AMBRA1: variants seen among roughly 807,000 people sequenced by gnomAD.
The protein encoded by AMBRA1 is activating molecule in BECN1-regulated autophagy protein 1.
A neutral mutation model predicts 125.4 loss-of-function variants in AMBRA1; 47 were observed. That is an observed-to-expected ratio of 0.37 (90% CI 0.30 to 0.48). AMBRA1 has a LOEUF of 0.48. Among genes scored for constraint, AMBRA1 ranks in the 20% least tolerant of loss-of-function variants. The probability of loss-of-function intolerance (pLI) is 0.99; values close to 1 mark genes in which losing one functional copy is unlikely to be tolerated. For synonymous variants in AMBRA1, 626 were observed against 655.5 expected, an observed-to-expected ratio of 0.95 and a Z score of 0.69; for missense variants, 1,331 against 1,693.4, an observed-to-expected ratio of 0.79 and a Z score of 3.76.
Position 46,397,686 on chromosome 11 carries a change from G to A in AMBRA1, c.3661C>T (p.Leu1221=), listed in dbSNP as rs762460695. The change falls in exon 18 of 18, where the codon CTG becomes TTG. Residue 1221 remains leucine (L), a synonymous_variant. Coordinates refer to ENST00000683756, the MANE Select transcript of AMBRA1 (RefSeq NM_001387011.1). Reference sequence around the variant, plus strand: ...CGGGGGCTTAGGCCTCGCTCTGCCAGTTGCCCGGCCTCTGGGAGCAGTCCC... The same window carrying A: ...CGGGGGCTTAGGCCTCGCTCTGCCAATTGCCCGGCCTCTGGGAGCAGTCCC... ...SRGLLPEAGQ[L]AERGLSPRTA... is the part of the protein sequence containing the mutation. 15 of 1,613,076 alleles carry A rather than the reference G, an allele frequency of 9.3e-6. No individual in the cohort carries two copies. The highest frequency in any genetic ancestry group is 1.3e-5 in the Non-Finnish European group (15 of 1,179,502).
chr11:46,478,643 T>C lies in AMBRA1; in HGVS notation c.2521+14965A>G, dbSNP rs1007786363. On this transcript the variant is annotated intron_variant, in intron 11 of 17. Transcript: ENST00000683756. ...CAAGATATTTCTTGTTTTTTTCTTTTTTCTCTTTTTTTTTTTTTTTTTTTT... is the reference window on the plus strand; with the variant it reads ...CAAGATATTTCTTGTTTTTTTCTTTCTTCTCTTTTTTTTTTTTTTTTTTTT... Among the ~76,000 whole-genome samples the C allele has an allele frequency of 3.2e-4, 41 of 128,978 alleles. 1 individual carries two copies. Among genetic ancestry groups the C allele is most frequent in the Non-Finnish European group, 5.6e-4 (36 of 63,784 alleles). 84.6% of individuals were successfully genotyped at this position (128,978 alleles called of 152,430 possible). A position where few individuals can be genotyped will look rare whatever the true frequency, so the allele number is the denominator to read the frequency against.
intron 8 of AMBRA1, 58 bp from the exon 9 acceptor site, chr11:46,508,428 A>G (rs1234923083): frequency 7.1e-6 from 11 of 1,541,792 alleles, no homozygotes; most frequent in Non-Finnish European, 9.8e-6. Flanking sequence ...AATACTATGA[A>G]AGGCAGTTAA....
chr11:46,561,231 AT>A (rs1243087531), intron 1 of AMBRA1, among the ~76,000 whole-genome samples: 1 of 152,032 alleles, frequency 6.6e-6, no homozygotes, highest in Non-Finnish European at 1.5e-5. Context: ...AAATACAAAA[AT>A]TAGCTGGGCG....
chr11:46,497,231 G>T (rs1370588169), intron 9 of AMBRA1, among the ~76,000 whole-genome samples: 3 of 152,158 alleles, frequency 2.0e-5, no homozygotes, highest in African/African-American at 4.8e-5. Flanking sequence ...AAAAGAGAGG[G>T]TGCAAAATAT....
chr11:46,507,168 C>T (rs1951069226), intron 9 of AMBRA1, among the ~76,000 whole-genome samples: 1 of 118,726 alleles, frequency 8.4e-6, no homozygotes, highest in Non-Finnish European at 1.7e-5. Context: ...CACAGCAAGA[C>T]TCCGTCTCAA....
intron 9 of AMBRA1, among the ~76,000 whole-genome samples, chr11:46,496,096 G>A (rs573027962): frequency 3.3e-5 from 5 of 152,126 alleles, no homozygotes; most frequent in Admixed American, 1.3e-4. Context: ...AAAACAGGCC[G>A]GGCACAGTGG....
In AMBRA1 at chr11:46,434,339, A is replaced by G. The variant is rs115161104; in HGVS notation, c.2821+510T>C. Among the ~76,000 whole-genome samples, 627 of 152,126 alleles carry G rather than the reference A, an allele frequency of 4.1e-3. 2 individuals are homozygous for G. The highest frequency in any genetic ancestry group is 0.013 in the African/African-American group (525 of 41,466). ...AGTCAACTCTTAAAAAAAAAACAAA[A>G]AACACTTAAATTCAACTCAAGGTGA... is the stretch of plus-strand genomic sequence containing the variant. On this transcript the variant is annotated intron_variant, in intron 13 of 17. Coordinates refer to ENST00000683756, the MANE Select transcript of AMBRA1 (RefSeq NM_001387011.1).
chr11:46,557,300 CAAA>C (rs540969219), intron 1 of AMBRA1, among the ~76,000 whole-genome samples: 4 of 49,146 alleles, frequency 8.1e-5, no homozygotes, highest in Admixed American at 2.3e-4. Flanking sequence ...GACTCCATCT[CAAA>C]AAAAAAAAAA....
intron 1 of AMBRA1, among the ~76,000 whole-genome samples, chr11:46,587,214 T>G (rs1565329438): frequency 6.6e-6 from 1 of 152,006 alleles, no homozygotes; most frequent in Non-Finnish European, 1.5e-5. Flanking sequence ...ACCCCATCTC[T>G]ACTCAAAATA....
intron 11 of AMBRA1, among the ~76,000 whole-genome samples, chr11:46,474,982 T>TGACA (rs1234237602): frequency 6.6e-6 from 1 of 152,146 alleles, no homozygotes; most frequent in Non-Finnish European, 1.5e-5. Flanking sequence ...ATGAGGAGGA[T>TGACA]GACATTATGT....
At chr11:46,465,499 C>T (rs1949286291) in intron 11 of AMBRA1, among the ~76,000 whole-genome samples, 1 of 152,050 alleles carries the variant, frequency 6.6e-6, no homozygotes, top group Admixed American at 6.5e-5. Context: ...TCAGAGAGTT[C>T]ACTGTTCTCT....
chr11:46,430,391 G>GGTTGTGCC (rs1947397236), intron 14 of AMBRA1, among the ~76,000 whole-genome samples: 1 of 152,150 alleles, frequency 6.6e-6, no homozygotes, highest in Non-Finnish European at 1.5e-5. Context: ...CTAAAATGAA[G>GGTTGTGCC]AAATCTTGTT....
chr11:46,418,634 A>T (rs931873670), intron 14 of AMBRA1, among the ~76,000 whole-genome samples: 2 of 151,606 alleles, frequency 1.3e-5, no homozygotes, highest in African/African-American at 2.4e-5. Context: ...CCCACCTATG[A>T]GTGAGAACAT....
At chr11:46,405,899 T>G in intron 17 of AMBRA1, among the ~76,000 whole-genome samples, 1 of 151,102 alleles carries the variant, frequency 6.6e-6, no homozygotes, top group East Asian at 2.0e-4. Flanking sequence ...GCTCGGCTAA[T>G]TTTTTGTATA....
intron 7 of AMBRA1, among the ~76,000 whole-genome samples, chr11:46,524,521 G>T (rs1951887142): frequency 6.6e-6 from 1 of 152,222 alleles, no homozygotes; most frequent in African/African-American, 2.4e-5. Context: ...TTGAGCCTTA[G>T]AATCAGACAG....
intron 1 of AMBRA1, among the ~76,000 whole-genome samples, chr11:46,584,619 T>A (rs765543004): frequency 3.3e-5 from 5 of 151,986 alleles, no homozygotes; most frequent in Non-Finnish European, 7.4e-5. Flanking sequence ...TTTTTTAATT[T>A]TTCTGAGACA....
intron 1 of AMBRA1, among the ~76,000 whole-genome samples, chr11:46,587,048 T>G (rs1041581510): frequency 1.1e-4 from 17 of 152,064 alleles, no homozygotes; most frequent in African/African-American, 4.1e-4. Context: ...AGTGATGAAA[T>G]CATGAAATAT....
At chr11:46,496,895 T>C (rs1158674815) in intron 9 of AMBRA1, among the ~76,000 whole-genome samples, 1 of 151,112 alleles carries the variant, frequency 6.6e-6, no homozygotes, top group African/African-American at 2.4e-5. Flanking sequence ...GCAGATCACT[T>C]GAAGTTAGAA....
intron 4 of AMBRA1, chr11:46,546,033 CTTTTTTTT>C (rs35703280): frequency 3.6e-5 from 5 of 139,156 alleles, no homozygotes; most frequent in South Asian, 1.7e-4. Context: ...GTTCCTATTT[CTTTTTTTT>C]TTTTTTTTTT....
Sources: gnomAD v4.1 joint callset for allele counts (sites outside exome capture counted in the v4.1 genomes callset) on GRCh38, gnomAD v4.1.1 for gene constraint, MANE v1.5 for transcripts, NCBI Gene and HGNC (gene_info 2026-07-23, HGNC 2026-07-21) for gene names.